Variants in RELCH observed in about 807,000 individuals in gnomAD.
RELCH encodes RAB11-binding protein RELCH.
In RELCH, 41 loss-of-function variants were observed where a neutral mutation model predicts 150.3. That is an observed-to-expected ratio of 0.27 (90% confidence interval 0.21 to 0.35). RELCH has a LOEUF of 0.35. RELCH is among the 10% of genes least tolerant of loss of function. The probability of loss-of-function intolerance (pLI) is 1.00; values close to 1 mark genes in which losing one functional copy is unlikely to be tolerated. For missense variants in RELCH, 1,092 were observed against 1,467.8 expected (o/e 0.74, Z 4.18); for synonymous variants, 478 against 531.8 (o/e 0.90, Z 1.39).
At chr18:62,232,279 T>C (rs2041630200) in intron 9 of RELCH, 53 bp from the exon 10 acceptor site, 5 of 1,165,352 alleles carry the variant, frequency 4.3e-6, no homozygotes, top group Admixed American at 1.7e-5. Flanking sequence ...TTCCATATTA[T>C]TATGCACAGA....
intron 22 of RELCH, chr18:62,277,914 A>G: frequency 1.1e-6 from 1 of 894,442 alleles, no homozygotes; most frequent in Non-Finnish European, 1.3e-6. Flanking sequence ...CACAACTCAA[A>G]GAGGTCATGG....
At chr18:62,201,129 A>G (rs2039414744) in intron 1 of RELCH, among the ~76,000 whole-genome samples, 1 of 151,148 alleles carries the variant, frequency 6.6e-6, no homozygotes, top group Non-Finnish European at 1.5e-5. Flanking sequence ...GCATGCCACC[A>G]TGCCCAGCTA....
chr18:62,256,454 A>G (rs145214037), intron 13 of RELCH, among the ~76,000 whole-genome samples: 108 of 152,204 alleles, frequency 7.1e-4, no homozygotes, highest in African/African-American at 2.5e-3. Flanking sequence ...AATCATACAG[A>G]TTGATGCAAA....
chr18:62,188,067 A>G (rs748904395), intron 1 of RELCH, 36 bp downstream of exon 1: 76 of 1,507,100 alleles, frequency 5.0e-5, no homozygotes, highest in Non-Finnish European at 6.5e-5. Flanking sequence ...CCGGCAGGGT[A>G]TTTGGGATTG....
chr18:62,201,163 C>T (rs1422353965), intron 1 of RELCH, among the ~76,000 whole-genome samples: 3 of 151,462 alleles, frequency 2.0e-5, no homozygotes, highest in South Asian at 2.1e-4. Context: ...TTATTAGAGA[C>T]GGAGTTTCAC....
chr18:62,216,279 G>A (rs2148341592), intron 2 of RELCH, among the ~76,000 whole-genome samples: 1 of 152,128 alleles, frequency 6.6e-6, no homozygotes, highest in East Asian at 1.9e-4. Flanking sequence ...GAATTTGTCT[G>A]AAATATGTCT....
intron 9 of RELCH, 80 bp downstream of exon 9, chr18:62,231,349 A>G (rs985038675): frequency 3.5e-6 from 3 of 859,656 alleles, no homozygotes; most frequent in African/African-American, 3.4e-5. Flanking sequence ...CTTCTACAGA[A>G]GCATCTGTGA....
At chr18:62,227,207 A>G in intron 5 of RELCH, 82 bp from the exon 6 acceptor site, 2 of 898,998 alleles carry the variant, frequency 2.2e-6, no homozygotes, top group Non-Finnish European at 3.4e-6. Context: ...AAAAAAAAAA[A>G]GATATTAGCA....
intron 10 of RELCH, 56 bp downstream of exon 10, chr18:62,232,483 T>A: frequency 9.2e-7 from 1 of 1,089,522 alleles, no homozygotes; most frequent in South Asian, 1.3e-5. Context: ...GTCCATTTTT[T>A]GTCATTTTGA....
intron 22 of RELCH, among the ~76,000 whole-genome samples, chr18:62,277,132 T>C (rs1425047380): frequency 6.6e-6 from 1 of 152,072 alleles, no homozygotes; most frequent in Non-Finnish European, 1.5e-5. Context: ...AATAAGTAAA[T>C]AGAATGAATC....
At chr18:62,192,502 A>G (rs2038720291) in intron 1 of RELCH, among the ~76,000 whole-genome samples, 1 of 152,172 alleles carries the variant, frequency 6.6e-6, no homozygotes, top group Non-Finnish European at 1.5e-5. Context: ...ATTTTCTTCA[A>G]GGGTTTTCAT....
chr18:62,232,171 G>T (rs968699695), intron 9 of RELCH, among the ~76,000 whole-genome samples, 161 bp from the exon 10 acceptor site: 5 of 150,250 alleles, frequency 3.3e-5, no homozygotes, highest in African/African-American at 1.2e-4. Flanking sequence ...TGTTGCTGCT[G>T]CTGCTGCTGT....
intron 26 of RELCH, among the ~76,000 whole-genome samples, chr18:62,290,257 G>A (rs2045044793): frequency 6.6e-6 from 1 of 152,164 alleles, no homozygotes; most frequent in Admixed American, 6.5e-5. Context: ...TTTATGGCCG[G>A]GCACGGTGGC....
chr18:62,255,391 A>AT lies in RELCH; in HGVS notation c.1825-8dup, dbSNP rs568221445. ...TATGCTGTTTATGCTTGATTTATTT[A>AT]TTTTTTTTGCTCTAGATTAATCACA... On this transcript the variant is annotated splice_polypyrimidine_tract_variant and intron_variant, in intron 12 of 28. Coordinates refer to ENST00000644646, the MANE Select transcript of RELCH (RefSeq NM_001346231.2). 118 of 1,574,064 alleles carry AT rather than the reference A, an allele frequency of 7.5e-5. No homozygotes were observed. Among genetic ancestry groups the AT allele is most frequent in the Middle Eastern group, 1.7e-4 (1 of 6,000 alleles).
chr18:62,229,362 A>G (rs984729348), intron 8 of RELCH, among the ~76,000 whole-genome samples: 14 of 152,070 alleles, frequency 9.2e-5, no homozygotes, highest in Non-Finnish European at 1.6e-4. Flanking sequence ...ATGAGCATAT[A>G]ATAGAAAAGC....
In RELCH at chr18:62,268,942, T is replaced by C. The variant is rs141500048; in HGVS notation, c.2754T>C (p.Tyr918=). 5.3e-6 allele frequency: 8 copies of C among 1,514,124 alleles called. No homozygotes were observed. The Admixed American group carries it at 1.2e-4, about 22-fold the overall frequency. The allele number at this position is 1,514,124 out of a possible 1,614,324, so 93.8% of individuals were successfully genotyped here. A position where few individuals can be genotyped will look rare whatever the true frequency, so the allele number is the denominator to read the frequency against. The part of the protein sequence containing the change: ...PIYATGVLTC[Y]IQEEDRKLLV... ...ATGCAACAGGAGTCCTTACGTGTTATATTCAGGTAAGGGAAAAATTCTTAC... is the reference window on the plus strand; with the variant it reads ...ATGCAACAGGAGTCCTTACGTGTTACATTCAGGTAAGGGAAAAATTCTTAC... The change falls in exon 20 of 29, where the codon TAT becomes TAC. Residue 918 remains tyrosine, a synonymous_variant. Coordinates refer to ENST00000644646, the MANE Select transcript of RELCH (RefSeq NM_001346231.2).
At chr18:62,237,886 A>G (rs1004046164) in intron 10 of RELCH, among the ~76,000 whole-genome samples, 6 of 151,852 alleles carry the variant, frequency 4.0e-5, no homozygotes, top group South Asian at 4.1e-4. Flanking sequence ...AGAAAGCACG[A>G]TGAATATAGA....
intron 26 of RELCH, among the ~76,000 whole-genome samples, chr18:62,288,922 T>C (rs142198890): frequency 2.0e-4 from 31 of 152,238 alleles, no homozygotes; most frequent in Admixed American, 9.2e-4. Flanking sequence ...CATTGGTGTG[T>C]TTAATTGGAC....
At chr18:62,269,065 T>G in intron 20 of RELCH, 117 bp downstream of exon 20, 2 of 454,216 alleles carry the variant, frequency 4.4e-6, no homozygotes, top group South Asian at 9.2e-5. Flanking sequence ...ATTTACTTAT[T>G]TTATTCAATA....
Sources: gnomAD v4.1 joint callset for allele counts (sites outside exome capture counted in the v4.1 genomes callset) on GRCh38, gnomAD v4.1.1 for gene constraint, MANE v1.5 for transcripts, NCBI Gene and HGNC (gene_info 2026-07-23, HGNC 2026-07-21) for gene names.